The following VCL variants were observed in gnomAD, a reference collection of about 807,000 sequenced individuals.
VCL encodes epididymis luminal protein 114.
Under a neutral mutation model 125.7 loss-of-function variants are expected in VCL, and 47 were observed. The ratio of observed to expected loss-of-function variants is 0.37; its 90% CI spans 0.30 to 0.48. The LOEUF (loss-of-function observed/expected upper bound fraction) is 0.48. Ranked by LOEUF, VCL falls within the 20% of genes least tolerant of loss-of-function variation. The pLI is 0.99. For missense variants in VCL, 1,069 were observed against 1,455.5 expected, an observed-to-expected ratio of 0.73 and a Z score of 4.32; for synonymous variants, 458 against 514.6, an observed-to-expected ratio of 0.89 and a Z score of 1.49.
intron 10 of VCL, among the ~76,000 whole-genome samples, chr10:74,093,169 C>T (rs1839914723): frequency 2.0e-5 from 3 of 151,694 alleles, no homozygotes; most frequent in African/African-American, 7.3e-5. Context: ...TGGTGGTGGG[C>T]ATCTATAATC....
intron 1 of VCL, among the ~76,000 whole-genome samples, chr10:74,039,523 C>A (rs1282627318): frequency 2.0e-5 from 3 of 152,008 alleles, no homozygotes; most frequent in African/African-American, 7.2e-5. Flanking sequence ...TGGCTCATGA[C>A]TGTAATCCCA....
intron 11 of VCL, 78 bp from the exon 12 acceptor site, chr10:74,095,578 G>C: frequency 1.3e-6 from 2 of 1,585,670 alleles, no homozygotes; most frequent in Non-Finnish European, 1.7e-6. Flanking sequence ...AGAGCAAGAC[G>C]CCACATCGCA....
At chr10:74,078,089 C>G (rs1472109628) in intron 6 of VCL, among the ~76,000 whole-genome samples, 1 of 151,830 alleles carries the variant, frequency 6.6e-6, no homozygotes, top group Non-Finnish European at 1.5e-5. Flanking sequence ...ATTTATATTA[C>G]TTGTATCTTG....
chr10:74,070,250 C>A (rs1841643459), intron 2 of VCL, among the ~76,000 whole-genome samples: 2 of 152,000 alleles, frequency 1.3e-5, no homozygotes, highest in Admixed American at 1.3e-4. Context: ...GATTTCAGTT[C>A]TTTGTGCAGT....
chr10:74,100,295 T>G (rs1020556453), intron 13 of VCL, among the ~76,000 whole-genome samples: 4 of 152,232 alleles, frequency 2.6e-5, no homozygotes, highest in African/African-American at 9.6e-5. Flanking sequence ...AAGGAAACAT[T>G]AACTTTTTTA....
chr10:74,032,755 T>A (rs1251735976), intron 1 of VCL, among the ~76,000 whole-genome samples: 1 of 151,272 alleles, frequency 6.6e-6, no homozygotes, highest in Non-Finnish European at 1.5e-5. Context: ...GAATAGACAT[T>A]TCTCAAAAGT....
chr10:74,063,545 G>C (rs1050113259), intron 2 of VCL: 5 of 152,090 alleles, frequency 3.3e-5, no homozygotes, highest in African/African-American at 1.2e-4. Flanking sequence ...TGCTTCCATT[G>C]CCATGTCAGT....
chr10:74,115,796 A>G (rs776570311), intron 21 of VCL, among the ~76,000 whole-genome samples: 2 of 152,226 alleles, frequency 1.3e-5, no homozygotes, highest in African/African-American at 2.4e-5. Context: ...AGAGATAGAA[A>G]TAAGGATGCT....
intron 10 of VCL, among the ~76,000 whole-genome samples, chr10:74,093,356 C>T (rs1345897550): frequency 6.6e-6 from 1 of 152,164 alleles, no homozygotes. Flanking sequence ...GGGTTTGAAT[C>T]CTGACTCTAT....
chr10:74,006,511 A>C (rs537969438), intron 1 of VCL, among the ~76,000 whole-genome samples: 9 of 152,296 alleles, frequency 5.9e-5, no homozygotes, highest in African/African-American at 2.2e-4. Context: ...GAATTTTACT[A>C]TTTCTTAGAT....
chr10:74,016,508 G>A (rs1188268282), intron 1 of VCL, among the ~76,000 whole-genome samples: 1 of 152,094 alleles, frequency 6.6e-6, no homozygotes. Flanking sequence ...CTACTTGGGA[G>A]GCTGAGGTGG....
chr10:74,009,614 T>A (rs1840391450), intron 1 of VCL, among the ~76,000 whole-genome samples: 1 of 151,940 alleles, frequency 6.6e-6, no homozygotes, highest in African/African-American at 2.4e-5. Flanking sequence ...TTACCTTATT[T>A]ATTAATTATT....
chr10:74,018,725 G>A (rs1029388023), intron 1 of VCL, among the ~76,000 whole-genome samples: 3 of 152,078 alleles, frequency 2.0e-5, no homozygotes, highest in Non-Finnish European at 4.4e-5. Context: ...ATAGGTATAG[G>A]ATTCACCTGG....
intron 2 of VCL, among the ~76,000 whole-genome samples, chr10:74,065,821 C>T (rs57384313): frequency 0.063 from 9,533 of 151,836 alleles, 1,026 homozygotes; most frequent in African/African-American, 0.22. Context: ...ATTGATAAAA[C>T]CATTTTGGAA....
Position 74,025,991 on chromosome 10 carries a change from A to C in VCL, c.169-17092A>C, listed in dbSNP as rs539894003. Among the ~76,000 whole-genome samples, 4 of 152,340 alleles carry C rather than the reference A, an allele frequency of 2.6e-5. No homozygotes were observed. The South Asian group carries it at 8.3e-4, about 32-fold the overall frequency. On this transcript the variant is annotated intron_variant, in intron 1 of 21. Transcript: ENST00000211998. ...GTTTTATAAATGAGCTTGAGGAGGCAGTGTCTGATTTACATAGGGCCCAAA... is the reference window on the plus strand; with the variant it reads ...GTTTTATAAATGAGCTTGAGGAGGCCGTGTCTGATTTACATAGGGCCCAAA...
In VCL at chr10:74,095,778, G is replaced by T. The variant is rs1166030670; in HGVS notation, c.1666G>T (p.Ala556Ser). Residue 556 changes from alanine (A) to serine (S), a missense_variant, in exon 12 of 22, where the codon GCT becomes TCT. Around this residue, in one of 6 missense-constraint regions of VCL, gnomAD observed 760 missense variants for 928.9 expected, o/e 0.82. Transcript: ENST00000211998. Reference protein sequence around the residue: ...DRVDQLTAQLADLAARGEGES... With the variant: ...DRVDQLTAQLSDLAARGEGES... ...AGTGGACCAGCTGACAGCCCAGCTG[G>T]CTGACCTGGCTGCCAGAGGGGAAGG... 1 of 1,614,202 alleles carries T rather than the reference G, an allele frequency of 6.2e-7. No individual in the cohort carries two copies. The highest frequency in any genetic ancestry group is 8.5e-7 in the Non-Finnish European group (1 of 1,180,046).
intron 1 of VCL, among the ~76,000 whole-genome samples, chr10:73,998,939 G>T (rs142674385): frequency 6.6e-6 from 1 of 151,966 alleles, no homozygotes; most frequent in Non-Finnish European, 1.5e-5. Context: ...GCTCCCCAGA[G>T]CTCCCTGTAT....
At chr10:74,082,383 C>T (rs1839690341) in intron 6 of VCL, 71 bp from the exon 7 acceptor site, 3 of 1,552,930 alleles carry the variant, frequency 1.9e-6, no homozygotes, top group South Asian at 2.3e-5. Context: ...GTAACTTCTT[C>T]TCTGTCTTAC....
chr10:74,113,150 G>A lies in VCL; in HGVS notation c.2950-1034G>A, dbSNP rs986722747. Among the ~76,000 whole-genome samples, 6 of 152,182 alleles carry A rather than the reference G, an allele frequency of 3.9e-5. No individual in the cohort carries two copies. The East Asian group carries it at 7.7e-4, about 20-fold the overall frequency. ...ACTGTAGAGAAATGAAGAGCATGAG[G>A]GGAAAAATGAGTAGGGCCTGGACTT... is the stretch of plus-strand genomic sequence containing the variant. On this transcript the variant is annotated intron_variant, in intron 19 of 21. Coordinates refer to ENST00000211998, the MANE Select transcript of VCL (RefSeq NM_014000.3).
Sources: gnomAD v4.1 joint callset for allele counts (sites outside exome capture counted in the v4.1 genomes callset) on GRCh38, gnomAD v4.1.1 for gene constraint, gnomAD v4.1.1 regional missense constraint, MANE v1.5 for transcripts, NCBI Gene and HGNC (gene_info 2026-07-23, HGNC 2026-07-21) for gene names.